CBFA2T3: variants seen among roughly 807,000 people sequenced by gnomAD.
CBFA2T3 encodes the protein transcriptional corepressor CBFA2T3.
CBFA2T3 carries 31 observed loss-of-function variants against 58.6 expected under a neutral mutation model. The ratio of observed to expected loss-of-function variants is 0.53; its 90% confidence interval spans 0.40 to 0.71. The LOEUF is 0.71. Among genes scored for constraint, CBFA2T3 ranks in the 30% least tolerant of loss-of-function variants. The pLI is 0.00. For synonymous variants in CBFA2T3, 531 were observed against 421.9 expected (o/e 1.26, Z -3.17); for missense variants, 1,076 against 963.1 (o/e 1.12, Z -1.55).
chr16:88,969,164 T>C (rs1164552146), intron 1 of CBFA2T3, among the ~76,000 whole-genome samples: 1 of 152,158 alleles, frequency 6.6e-6, no homozygotes, highest in Non-Finnish European at 1.5e-5. Flanking sequence ...GTCACCGCCA[T>C]CTGGAGTGAG....
At chr16:88,901,696 T>C (rs1970105487) in intron 1 of CBFA2T3, 40 bp from the exon 2 acceptor site, 2 of 1,509,592 alleles carry the variant, frequency 1.3e-6, no homozygotes, top group Non-Finnish European at 1.7e-6. Flanking sequence ...TGAAGCAGGC[T>C]AAGTGCAAAG....
intron 1 of CBFA2T3, among the ~76,000 whole-genome samples, chr16:88,943,982 G>T (rs889828751): frequency 2.0e-5 from 3 of 152,146 alleles, no homozygotes; most frequent in Admixed American, 6.5e-5. Flanking sequence ...GAGCTCGAGG[G>T]TGTGCCCATG....
At chr16:88,975,049 T>C in intron 1 of CBFA2T3, among the ~76,000 whole-genome samples, 1 of 135,214 alleles carries the variant, frequency 7.4e-6, no homozygotes, top group Non-Finnish European at 1.6e-5. Flanking sequence ...CCTCCTCACA[T>C]TGCAGCCCCT....
At chr16:88,959,844 G>A (rs1045923031) in intron 1 of CBFA2T3, among the ~76,000 whole-genome samples, 12 of 152,092 alleles carry the variant, frequency 7.9e-5, no homozygotes, top group African/African-American at 2.9e-4. Context: ...TAGCCAACAT[G>A]GTGAAACTCC....
intron 1 of CBFA2T3, among the ~76,000 whole-genome samples, chr16:88,916,411 C>CGTGTGCATGGCTGTGTCCGTGTGT (rs1970734022): frequency 7.0e-6 from 1 of 143,850 alleles, no homozygotes; most frequent in Non-Finnish European, 1.6e-5. Flanking sequence ...CGTATTCATG[C>CGTGTGCATGGCTGTGTCCGTGTGT]GTGTGCATGG....
intron 10 of CBFA2T3, 68 bp downstream of exon 10, chr16:88,880,652 G>C: frequency 7.6e-7 from 1 of 1,319,240 alleles, no homozygotes; most frequent in Non-Finnish European, 1.1e-6. Flanking sequence ...AGCTGAGCCG[G>C]TGAGAGGCGC....
rs1567568494 is a variant in CBFA2T3 at position 88,875,139 on chromosome 16, G to A, written c.*1837C>T. 2 of 234,788 alleles carry A rather than the reference G, an allele frequency of 8.5e-6. No homozygotes were observed. The highest frequency in any genetic ancestry group is 1.7e-5 in the Non-Finnish European group (2 of 119,184). 14.5% of individuals were successfully genotyped at this position (234,788 alleles called of 1,614,324 possible). A position where few individuals can be genotyped will look rare whatever the true frequency, so the allele number is the denominator to read the frequency against. On this transcript the variant is annotated 3_prime_UTR_variant, in exon 12 of 12. Transcript: ENST00000268679. ...CACACACACAGATGCCAGGCCACGGGCCACGCCACGCACACAGATGCCAGG... is the reference window on the plus strand; with the variant it reads ...CACACACACAGATGCCAGGCCACGGACCACGCCACGCACACAGATGCCAGG...
intron 9 of CBFA2T3, 96 bp downstream of exon 9, chr16:88,881,195 C>T: frequency 9.2e-7 from 1 of 1,081,580 alleles, no homozygotes; most frequent in Non-Finnish European, 1.4e-6. Context: ...ACTGTTCTGC[C>T]TGGTGTTTCG....
Position 88,904,974 on chromosome 16 carries a change from C to T in CBFA2T3, c.152-3318G>A, listed in dbSNP as rs549173896. On this transcript the variant is annotated intron_variant, in intron 1 of 11. Transcript: ENST00000268679. ...ACGTGTGGCCGGGACCTGCTCCTGG[C>T]GCTGCCCCTGGCACAGACTCTACCC... is the stretch of plus-strand genomic sequence containing the variant. Among the ~76,000 whole-genome samples, 146 of 152,238 alleles carry T rather than the reference C, an allele frequency of 9.6e-4. 1 individual carries two copies. The highest frequency in any genetic ancestry group is 2.9e-3 in the South Asian group (14 of 4,820).
chr16:88,944,680 A>C (rs1489953746), intron 1 of CBFA2T3, among the ~76,000 whole-genome samples: 4 of 152,246 alleles, frequency 2.6e-5, no homozygotes, highest in Admixed American at 6.5e-5. Flanking sequence ...TGCCCAGCTC[A>C]AGGTTTGGAT....
At chr16:88,886,463 G>A (rs1202413897) in intron 5 of CBFA2T3, 4 of 272,050 alleles carry the variant, frequency 1.5e-5, no homozygotes, top group Non-Finnish European at 2.8e-5. Flanking sequence ...CCATGGCGTG[G>A]TCTGGAGAAG....
intron 1 of CBFA2T3, chr16:88,941,152 C>G: frequency 4.1e-6 from 4 of 983,230 alleles, no homozygotes; most frequent in Non-Finnish European, 4.8e-6. Flanking sequence ...CTTCTGGCGC[C>G]GCACCGGGCT....
intron 5 of CBFA2T3, 131 bp from the exon 6 acceptor site, chr16:88,886,273 C>T (rs1567579721): frequency 1.0e-5 from 6 of 573,518 alleles, no homozygotes; most frequent in East Asian, 3.3e-5. Flanking sequence ...TCAAGGTGCT[C>T]GACCTCTCTG....
intron 2 of CBFA2T3, 83 bp downstream of exon 2, chr16:88,901,421 G>A (rs1028296493): frequency 2.9e-5 from 20 of 684,686 alleles, no homozygotes; most frequent in African/African-American, 3.8e-5. Context: ...CGCTGGCTCC[G>A]GGCAGGAAGC....
intron 1 of CBFA2T3, among the ~76,000 whole-genome samples, chr16:88,927,598 C>T (rs1971125739): frequency 6.6e-6 from 1 of 152,168 alleles, no homozygotes; most frequent in African/African-American, 2.4e-5. Context: ...GGCATGCAGC[C>T]TGCAGGTGAT....
At chr16:88,964,600 A>G (rs536489319) in intron 1 of CBFA2T3, among the ~76,000 whole-genome samples, 34 of 152,334 alleles carry the variant, frequency 2.2e-4, no homozygotes, top group African/African-American at 8.2e-4. Context: ...TGGCTCCCTC[A>G]TCGCGGAATA....
Position 88,876,644 on chromosome 16 carries a change from A to T in CBFA2T3, c.*332T>A, listed in dbSNP as rs565138586. On this transcript the variant is annotated 3_prime_UTR_variant, in exon 12 of 12. Coordinates refer to ENST00000268679, the MANE Select transcript of CBFA2T3 (RefSeq NM_005187.6). ...GAGAGACAGACAGAGAGGAAAAGAGAGGTGGGCAGAGCCGCCGCGCCTGCG... is the reference window on the plus strand; with the variant it reads ...GAGAGACAGACAGAGAGGAAAAGAGTGGTGGGCAGAGCCGCCGCGCCTGCG... 16 of 319,172 alleles carry T rather than the reference A, an allele frequency of 5.0e-5. 1 individual carries two copies. In the South Asian group the frequency reaches 2.2e-3, roughly 43 times the overall value. 19.8% of individuals were successfully genotyped at this position (319,172 alleles called of 1,614,324 possible).
chr16:88,944,724 T>G (rs1971858989), intron 1 of CBFA2T3, among the ~76,000 whole-genome samples: 1 of 152,222 alleles, frequency 6.6e-6, no homozygotes, highest in Non-Finnish European at 1.5e-5. Context: ...GCCACAGGCG[T>G]CCCTGCACTG....
chr16:88,916,703 C>A (rs1970749485), intron 1 of CBFA2T3, among the ~76,000 whole-genome samples: 1 of 152,084 alleles, frequency 6.6e-6, no homozygotes, highest in African/African-American at 2.4e-5. Flanking sequence ...TGCCTCCCAG[C>A]CCTTTATTGT....
Sources: allele counts gnomAD v4.1 joint callset (sites outside exome capture counted in the v4.1 genomes callset), GRCh38; gene constraint gnomAD v4.1.1; transcripts MANE v1.5; gene names NCBI Gene and HGNC (gene_info 2026-07-23, HGNC 2026-07-21).